Variants in EFNB2 observed in about 807,000 individuals in gnomAD.
EFNB2 encodes the protein ephrin-B2.
Under a neutral mutation model 32.1 loss-of-function variants are expected in EFNB2, and 5 were observed. The ratio of observed to expected loss-of-function variants is 0.16; its 90% confidence interval spans 0.08 to 0.33. The LOEUF is 0.33. Among genes scored for constraint, EFNB2 ranks in the 10% least tolerant of loss-of-function variants. The pLI, the probability that EFNB2 is intolerant of heterozygous loss-of-function variation, is 1.00. For missense variants in EFNB2, 263 were observed against 422.6 expected (o/e 0.62, Z 3.31); for synonymous variants, 168 against 166.5 (o/e 1.01, Z -0.07).
In EFNB2 at chr13:106,492,981, G is replaced by T; in HGVS notation, c.*59C>A. On this transcript the variant is annotated 3_prime_UTR_variant, in exon 5 of 5. Coordinates refer to ENST00000646441, the MANE Select transcript of EFNB2 (RefSeq NM_004093.4). The surrounding 1 kb of genome is among the most constrained non-coding windows in gnomAD (Gnocchi z 5.1). ...AGCACGCGGGCTCTCAAACCCTCAA[G>T]GGAGGCATCGGGACATTAGGTGTCC... is the stretch of plus-strand genomic sequence containing the variant. 6.5e-7 allele frequency: 1 copy of T among 1,539,490 alleles called. No homozygotes were observed.
intron 2 of EFNB2, among the ~76,000 whole-genome samples, chr13:106,505,863 T>C (rs1878932186): frequency 6.6e-6 from 1 of 152,194 alleles, no homozygotes; most frequent in Admixed American, 6.6e-5. Context: ...AAATAATTCT[T>C]GCTGTCATGA....
chr13:106,502,015 A>C (rs1265060747), intron 2 of EFNB2, among the ~76,000 whole-genome samples: 1 of 152,234 alleles, frequency 6.6e-6, no homozygotes, highest in East Asian at 1.9e-4. Flanking sequence ...GCAGGGAGCC[A>C]CAGCTAAAAC....
chr13:106,533,972 C>T (rs759683447), intron 1 of EFNB2, among the ~76,000 whole-genome samples: 2 of 152,218 alleles, frequency 1.3e-5, no homozygotes, highest in African/African-American at 4.8e-5. Flanking sequence ...CTCCACAAGG[C>T]CTGGCTCGCT....
intron 2 of EFNB2, among the ~76,000 whole-genome samples, chr13:106,503,974 A>C (rs1327559277): frequency 6.6e-6 from 1 of 152,244 alleles, no homozygotes; most frequent in African/African-American, 2.4e-5. Flanking sequence ...CAGATTTTTA[A>C]AAATGAAACT....
chr13:106,502,756 A>T (rs1400276321), intron 2 of EFNB2, among the ~76,000 whole-genome samples: 1 of 152,232 alleles, frequency 6.6e-6, no homozygotes. Flanking sequence ...AATAGCAATC[A>T]GTGAAGACAT....
intron 1 of EFNB2, among the ~76,000 whole-genome samples, chr13:106,532,412 T>C (rs1879906883): frequency 6.6e-6 from 1 of 152,242 alleles, no homozygotes; most frequent in Admixed American, 6.5e-5. Context: ...TCATAGGAAC[T>C]GATGTGAAAC....
chr13:106,521,326 C>G (rs1266082965), intron 1 of EFNB2: 2 of 152,110 alleles, frequency 1.3e-5, no homozygotes, highest in East Asian at 1.9e-4. Flanking sequence ...GTGAACTGAT[C>G]GGCACACAAA....
chr13:106,535,005 G>A lies in EFNB2; in HGVS notation c.-41C>T, dbSNP rs758872889. 7.5e-6 allele frequency: 12 copies of A among 1,608,098 alleles called. No homozygotes were observed. The East Asian group carries it at 1.3e-4, about 18-fold the overall frequency. ...AGCTCCGCGCACTCCGGGCCAAGAA[G>A]GGACTGACGGGACGCAGGCTGGGAC... On this transcript the variant is annotated 5_prime_UTR_variant, in exon 1 of 5. Coordinates refer to ENST00000646441, the MANE Select transcript of EFNB2 (RefSeq NM_004093.4).
intron 1 of EFNB2, among the ~76,000 whole-genome samples, chr13:106,522,698 T>G (rs1003837007): frequency 2.0e-5 from 3 of 152,032 alleles, no homozygotes; most frequent in Non-Finnish European, 2.9e-5. Context: ...TTTTTTTAAC[T>G]ACAAAGAATT....
intron 2 of EFNB2, among the ~76,000 whole-genome samples, chr13:106,511,817 G>A (rs534580205): frequency 2.0e-5 from 3 of 152,306 alleles, no homozygotes; most frequent in African/African-American, 2.4e-5. Flanking sequence ...CATAGTAGGC[G>A]TGGGCTCCAA....
chr13:106,507,148 A>T (rs1292882433), intron 2 of EFNB2, among the ~76,000 whole-genome samples: 2 of 152,220 alleles, frequency 1.3e-5, no homozygotes, highest in Non-Finnish European at 2.9e-5. Context: ...CCTCAATCAG[A>T]GGACCCAAAT....
rs916157437 is a variant in EFNB2 at position 106,493,950 on chromosome 13, C to T, written c.614-522G>A. 1.3e-5 allele frequency among the ~76,000 whole-genome samples: 2 copies of T among 152,156 alleles called. No homozygotes were observed. The highest frequency in any genetic ancestry group is 6.5e-5 in the Admixed American group (1 of 15,270). On this transcript the variant is annotated intron_variant, in intron 4 of 4. Coordinates refer to ENST00000646441, the MANE Select transcript of EFNB2 (RefSeq NM_004093.4). This position sits in a 1 kb window ranked among gnomAD's most constrained non-coding sequence, Gnocchi z 6.1. ...AGGGGGCCTGGGAAAATGTTCAGCT[C>T]GTAACTCGTCTGTATTATTTGATTT... is the stretch of plus-strand genomic sequence containing the variant.
chr13:106,509,653 G>T (rs1397227441), intron 2 of EFNB2, among the ~76,000 whole-genome samples: 1 of 151,780 alleles, frequency 6.6e-6, no homozygotes, highest in Admixed American at 6.6e-5. Flanking sequence ...GTGTGTGTGT[G>T]TGTGTGTGTG....
chr13:106,516,196 G>A (rs1879308347), intron 1 of EFNB2: 1 of 152,212 alleles, frequency 6.6e-6, no homozygotes, highest in Admixed American at 6.5e-5. Context: ...ACACTGAGGA[G>A]GAGAGACTGG....
At chr13:106,515,483 G>C (rs912319440) in intron 1 of EFNB2, among the ~76,000 whole-genome samples, 11 of 152,250 alleles carry the variant, frequency 7.2e-5, no homozygotes, top group South Asian at 2.1e-4. Context: ...TATTCCTGAT[G>C]ATTCCAAAAG....
At chr13:106,501,616 G>A (rs765062539) in intron 2 of EFNB2, among the ~76,000 whole-genome samples, 2 of 149,212 alleles carry the variant, frequency 1.3e-5, no homozygotes, top group Middle Eastern at 3.6e-3. Flanking sequence ...TTTTTGAGAC[G>A]GAGTCTCGCT....
At position 106,514,737 on chromosome 13, in the gene EFNB2, C is replaced by T. The variant is rs75969567; in HGVS notation, c.123-1925G>A. On this transcript the variant is annotated intron_variant, in intron 1 of 4. Coordinates refer to ENST00000646441, the MANE Select transcript of EFNB2 (RefSeq NM_004093.4). ...CCAAACCTTTTCTATCCTTAATCTG[C>T]TCCTTTTGTAGCCTGCACAGACAGC... Among the ~76,000 whole-genome samples, 27 of 152,294 alleles carry T rather than the reference C, an allele frequency of 1.8e-4. No homozygotes were observed. In the East Asian group the frequency reaches 5.2e-3, roughly 29 times the overall value.
At chr13:106,516,462 G>A (rs996514378) in intron 1 of EFNB2, 4 of 152,238 alleles carry the variant, frequency 2.6e-5, no homozygotes, top group African/African-American at 9.6e-5. Context: ...ATTTCAGCAT[G>A]ACGCATGGAC....
chr13:106,500,313 C>A (rs996632339), intron 2 of EFNB2, among the ~76,000 whole-genome samples: 6 of 152,162 alleles, frequency 3.9e-5, no homozygotes, highest in Non-Finnish European at 8.8e-5. Context: ...TCTGGATTTG[C>A]ACCGATATAT....
Sources: gnomAD v4.1 joint callset for allele counts (sites outside exome capture counted in the v4.1 genomes callset) on GRCh38, gnomAD v4.1.1 for gene constraint, Gnocchi (gnomAD v3.1) non-coding constraint, MANE v1.5 for transcripts, NCBI Gene and HGNC (gene_info 2026-07-23, HGNC 2026-07-21) for gene names.